The following GRID2 variants were observed in gnomAD, a reference collection of about 807,000 sequenced individuals.
GRID2 encodes glutamate ionotropic receptor delta type subunit 2.
A neutral mutation model predicts 114.8 loss-of-function variants in GRID2; 33 were observed. The ratio of observed to expected loss-of-function variants is 0.29; its 90% CI spans 0.22 to 0.38. The LOEUF (loss-of-function observed/expected upper bound fraction) is 0.38, where lower values mean the gene tolerates loss of function less well. Among genes scored for constraint, GRID2 ranks in the 10% least tolerant of loss-of-function variants. GRID2 has a pLI of 1.00. For missense variants in GRID2, 1,184 were observed against 1,257.7 expected, an observed-to-expected ratio of 0.94 and a Z score of 0.89; for synonymous variants, 505 against 449.9, an observed-to-expected ratio of 1.12 and a Z score of -1.55.
intron 15 of GRID2, among the ~76,000 whole-genome samples, chr4:93,771,780 T>C (rs1298157784): frequency 6.6e-6 from 1 of 152,176 alleles, no homozygotes; most frequent in African/African-American, 2.4e-5. Context: ...GTCTGTCTTT[T>C]ATAGAATGGC....
At chr4:93,107,292 C>G (rs1732330978) in intron 3 of GRID2, among the ~76,000 whole-genome samples, 1 of 152,054 alleles carries the variant, frequency 6.6e-6, no homozygotes, top group South Asian at 2.1e-4. Flanking sequence ...GAGTGGGACC[C>G]TGTCTCAAAA....
intron 1 of GRID2, among the ~76,000 whole-genome samples, chr4:92,573,124 T>C (rs1727712433): frequency 1.3e-5 from 2 of 152,160 alleles, no homozygotes; most frequent in African/African-American, 4.8e-5. Flanking sequence ...GTGTTTATAG[T>C]ATCCTCTGAT....
intron 1 of GRID2, among the ~76,000 whole-genome samples, chr4:92,459,281 T>A (rs1196260448): frequency 6.6e-6 from 1 of 152,170 alleles, no homozygotes; most frequent in African/African-American, 2.4e-5. Context: ...TTATAAATAA[T>A]TTAATATACA....
At chr4:93,805,006 A>C (rs931833652) in intron 1 of GRID2, among the ~76,000 whole-genome samples, 1 of 152,208 alleles carries the variant, frequency 6.6e-6, no homozygotes, top group African/African-American at 2.4e-5. Flanking sequence ...TATGTTGTAT[A>C]CCAGTGCATT....
At chr4:92,939,395 C>A (rs1750920696) in intron 2 of GRID2, among the ~76,000 whole-genome samples, 1 of 147,388 alleles carries the variant, frequency 6.8e-6, no homozygotes, top group African/African-American at 2.4e-5. Flanking sequence ...GTCCTTCACC[C>A]ACTTTTTGAT....
chr4:93,069,121 A>G (rs1332013828), intron 2 of GRID2, among the ~76,000 whole-genome samples: 1 of 151,962 alleles, frequency 6.6e-6, no homozygotes, highest in Admixed American at 6.6e-5. Flanking sequence ...ATGAGAAGCC[A>G]CCACCATGAA....
At chr4:93,130,407 GC>G (rs1262344638) in intron 4 of GRID2, among the ~76,000 whole-genome samples, 1 of 152,140 alleles carries the variant, frequency 6.6e-6, no homozygotes, top group Non-Finnish European at 1.5e-5. Flanking sequence ...CACCACCACA[GC>G]AATCCAGCCT....
intron 10 of GRID2, among the ~76,000 whole-genome samples, chr4:93,454,485 T>C (rs1723001659): frequency 6.6e-6 from 1 of 152,054 alleles, no homozygotes. Context: ...CATAGTTCAT[T>C]GTAAGGACTA....
intron 2 of GRID2, among the ~76,000 whole-genome samples, chr4:92,651,561 G>T (rs572372035): frequency 6.6e-6 from 1 of 151,886 alleles, no homozygotes; most frequent in Non-Finnish European, 1.5e-5. Context: ...TATTCACATG[G>T]GACTCAAATA....
chr4:93,440,361 G>A (rs10012849), intron 10 of GRID2, among the ~76,000 whole-genome samples: 12,881 of 152,026 alleles, frequency 0.085, 725 homozygotes, highest in African/African-American at 0.16. Flanking sequence ...AGTAAAATAC[G>A]TAAAAAGAAG....
chr4:93,372,937 T>A (rs555211670), intron 8 of GRID2, among the ~76,000 whole-genome samples: 1 of 152,262 alleles, frequency 6.6e-6, no homozygotes. Flanking sequence ...TAGATAATAC[T>A]TTTGTGGGTA....
intron 1 of GRID2, among the ~76,000 whole-genome samples, chr4:92,493,161 TAA>T (rs1053010554): frequency 6.7e-6 from 1 of 148,356 alleles, no homozygotes; most frequent in Non-Finnish European, 1.5e-5. Flanking sequence ...TTGAATTGAA[TAA>T]AGTTTTAAGG....
intron 8 of GRID2, among the ~76,000 whole-genome samples, chr4:93,256,194 AT>A (rs895364275): frequency 3.3e-5 from 5 of 151,376 alleles, no homozygotes; most frequent in Non-Finnish European, 7.4e-5. Context: ...ATTCCCGTTC[AT>A]TTTTTCAAGG....
intron 13 of GRID2, among the ~76,000 whole-genome samples, chr4:93,602,361 T>C (rs1739763499): frequency 6.6e-6 from 1 of 152,200 alleles, no homozygotes; most frequent in Non-Finnish European, 1.5e-5. Flanking sequence ...GTGTACCTTG[T>C]TTTATGGGGC....
exon 2 of GRID2, chr4:93,808,468 G>C (rs1439554): frequency 0.41 from 62,587 of 151,950 alleles, 13,072 homozygotes; most frequent in African/African-American, 0.43. Context: ...TCTTCTCTAC[G>C]TAATACAATA....
intron 8 of GRID2, among the ~76,000 whole-genome samples, chr4:93,275,768 T>C (rs143521732): frequency 6.6e-6 from 1 of 151,906 alleles, no homozygotes; most frequent in African/African-American, 2.4e-5. Context: ...ATAGATCTTC[T>C]TTGGAGAAAT....
At chr4:92,490,144 A>G (rs528410766) in intron 1 of GRID2, among the ~76,000 whole-genome samples, 15 of 152,162 alleles carry the variant, frequency 9.9e-5, no homozygotes, top group Non-Finnish European at 1.9e-4. Context: ...ATAGTAATAG[A>G]TGATATCATT....
chr4:93,028,037 T>C (rs2149253957), intron 2 of GRID2, among the ~76,000 whole-genome samples: 1 of 152,256 alleles, frequency 6.6e-6, no homozygotes, highest in East Asian at 1.9e-4. Flanking sequence ...CTTGGAAATG[T>C]TCCTGCTGCA....
intron 2 of GRID2, among the ~76,000 whole-genome samples, chr4:92,768,397 T>C (rs1053009286): frequency 5.3e-5 from 8 of 152,222 alleles, no homozygotes; most frequent in Non-Finnish European, 2.9e-5. Context: ...ATGGTTGTTC[T>C]TAAACAGGGT....
Sources: gnomAD v4.1 joint callset for allele counts (sites outside exome capture counted in the v4.1 genomes callset) on GRCh38, gnomAD v4.1.1 for gene constraint, MANE v1.5 for transcripts, NCBI Gene and HGNC (gene_info 2026-07-23, HGNC 2026-07-21) for gene names.